The following FBXL17 variants were observed in gnomAD, a reference collection of about 807,000 sequenced individuals.
FBXL17 encodes the protein F-box and leucine rich repeat protein 17.
In FBXL17, 22 loss-of-function variants were observed where a neutral mutation model predicts 66.2. The observed-to-expected ratio is 0.33, with a 90% CI of 0.24 to 0.47. The LOEUF (loss-of-function observed/expected upper bound fraction) is 0.47, where lower values mean the gene tolerates loss of function less well. Among genes scored for constraint, FBXL17 ranks in the 20% least tolerant of loss-of-function variants. The pLI is 1.00. For synonymous variants in FBXL17, 474 were observed against 400.5 expected, an observed-to-expected ratio of 1.18 and a Z score of -2.19; for missense variants, 878 against 948.2, an observed-to-expected ratio of 0.93 and a Z score of 0.97.
At chr5:108,066,085 A>G (rs1022848746) in intron 6 of FBXL17, among the ~76,000 whole-genome samples, 2 of 152,104 alleles carry the variant, frequency 1.3e-5, no homozygotes, top group African/African-American at 4.8e-5. Context: ...TAAGAAGAAG[A>G]AGGAGGGAAG....
At chr5:108,076,461 ACTC>A (rs781676284) in intron 6 of FBXL17, among the ~76,000 whole-genome samples, 3 of 152,106 alleles carry the variant, frequency 2.0e-5, no homozygotes, top group Non-Finnish European at 4.4e-5. Context: ...ATAAATTAAA[ACTC>A]CTATACATAA....
At chr5:108,153,790 T>C (rs964983415) in intron 6 of FBXL17, among the ~76,000 whole-genome samples, 3 of 152,172 alleles carry the variant, frequency 2.0e-5, no homozygotes, top group African/African-American at 4.8e-5. Context: ...CTCTACACTG[T>C]TGTCAGGACT....
intron 3 of FBXL17, among the ~76,000 whole-genome samples, chr5:108,363,430 T>A (rs956425350): frequency 2.0e-5 from 3 of 151,858 alleles, no homozygotes; most frequent in African/African-American, 4.8e-5. Flanking sequence ...AGAAGAAAAC[T>A]ACCTAAGGGG....
At chr5:108,027,606 T>G (rs761085318) in intron 6 of FBXL17, among the ~76,000 whole-genome samples, 6 of 152,144 alleles carry the variant, frequency 3.9e-5, no homozygotes, top group Non-Finnish European at 8.8e-5. Context: ...TATAAAATGA[T>G]GAACATAATA....
At chr5:107,998,999 G>A (rs1195419618) in intron 7 of FBXL17, among the ~76,000 whole-genome samples, 1 of 152,138 alleles carries the variant, frequency 6.6e-6, no homozygotes, top group Non-Finnish European at 1.5e-5. Context: ...ATCAGTCCAA[G>A]CTTGAGCAGT....
At chr5:108,152,521 A>ATGAT (rs1751812690) in intron 6 of FBXL17, among the ~76,000 whole-genome samples, 1 of 152,232 alleles carries the variant, frequency 6.6e-6, no homozygotes, top group Non-Finnish European at 1.5e-5. Flanking sequence ...GGGCTCTAGT[A>ATGAT]TGATTCAGCA....
At chr5:107,935,366 C>T (rs1387581407) in intron 7 of FBXL17, among the ~76,000 whole-genome samples, 1 of 151,222 alleles carries the variant, frequency 6.6e-6, no homozygotes, top group Non-Finnish European at 1.5e-5. Context: ...TCTTGATTTT[C>T]AAAATAACTT....
intron 4 of FBXL17, among the ~76,000 whole-genome samples, chr5:108,304,506 G>T (rs1051693376): frequency 6.6e-6 from 1 of 151,578 alleles, no homozygotes; most frequent in Non-Finnish European, 1.5e-5. Flanking sequence ...ATGAAACTAA[G>T]ATTAGTAAAA....
chr5:108,288,348 C>T (rs1200450368), intron 4 of FBXL17, among the ~76,000 whole-genome samples: 1 of 149,718 alleles, frequency 6.7e-6, no homozygotes, highest in Non-Finnish European at 1.5e-5. Context: ...GACACAGAGA[C>T]ATGAAATTAG....
intron 7 of FBXL17, among the ~76,000 whole-genome samples, chr5:107,980,664 A>ATATATATTTT: frequency 4.8e-5 from 3 of 62,078 alleles, no homozygotes; most frequent in African/African-American, 2.1e-4. Flanking sequence ...ATATATATAT[A>ATATATATTTT]TTTTTTTTTT....
intron 6 of FBXL17, among the ~76,000 whole-genome samples, chr5:108,083,022 T>C (rs1748827224): frequency 6.6e-6 from 1 of 152,210 alleles, no homozygotes; most frequent in African/African-American, 2.4e-5. Context: ...ATAGAATTAA[T>C]GCATTATTTT....
chr5:108,205,846 T>A (rs577302818), intron 5 of FBXL17, among the ~76,000 whole-genome samples: 2 of 152,178 alleles, frequency 1.3e-5, no homozygotes, highest in South Asian at 4.1e-4. Flanking sequence ...AAGCAATTCT[T>A]GTGCCTCAGC....
At chr5:107,872,025 C>A (rs1748473648) in intron 8 of FBXL17, among the ~76,000 whole-genome samples, 1 of 152,154 alleles carries the variant, frequency 6.6e-6, no homozygotes, top group South Asian at 2.1e-4. Context: ...GAAAAAAAAT[C>A]TTTCTAAAAT....
intron 7 of FBXL17, among the ~76,000 whole-genome samples, chr5:107,892,099 T>C (rs1480243003): frequency 6.6e-6 from 1 of 152,130 alleles, no homozygotes; most frequent in Admixed American, 6.5e-5. Context: ...GAATATCTCA[T>C]ATAATTTATT....
At chr5:108,336,702 C>G (rs1454417663) in intron 4 of FBXL17, among the ~76,000 whole-genome samples, 3 of 151,952 alleles carry the variant, frequency 2.0e-5, no homozygotes, top group Non-Finnish European at 4.4e-5. Context: ...TAAAATCTAC[C>G]TAATTCTTAA....
intron 7 of FBXL17, among the ~76,000 whole-genome samples, chr5:107,996,829 G>A (rs1199053614): frequency 6.6e-6 from 1 of 152,160 alleles, no homozygotes; most frequent in Non-Finnish European, 1.5e-5. Context: ...TGCCTCCAAA[G>A]CATTGAAGCT....
rs1223633513 is a variant in FBXL17 at position 108,044,099 on chromosome 5, A to G, written c.1746-23098T>C. ...AATGTTTTTATACATTCCTTAGGAT[A>G]TTTCACATAAACAATTCGGTCATCT... On this transcript the variant is annotated intron_variant, in intron 6 of 8. Transcript: ENST00000542267. Among the ~76,000 whole-genome samples the G allele has an allele frequency of 9.8e-5, 15 of 152,300 alleles. No homozygotes were observed. In the East Asian group the frequency reaches 2.9e-3, roughly 29 times the overall value.
chr5:108,221,145 T>A (rs11749535), intron 5 of FBXL17, among the ~76,000 whole-genome samples: 3 of 152,186 alleles, frequency 2.0e-5, no homozygotes, highest in African/African-American at 7.2e-5. Context: ...TAAGTAATAA[T>A]GGCATGTCAT....
At chr5:108,039,258 T>A (rs1735562460) in intron 6 of FBXL17, among the ~76,000 whole-genome samples, 1 of 152,008 alleles carries the variant, frequency 6.6e-6, no homozygotes, top group African/African-American at 2.4e-5. Flanking sequence ...AATATAAAAT[T>A]AAAGCAGTAT....
Sources: gnomAD v4.1 joint callset for allele counts (sites outside exome capture counted in the v4.1 genomes callset) on GRCh38, gnomAD v4.1.1 for gene constraint, MANE v1.5 for transcripts, NCBI Gene and HGNC (gene_info 2026-07-23, HGNC 2026-07-21) for gene names.